GOLGA6L22: variants seen among roughly 807,000 people sequenced by gnomAD.
GOLGA6L22 encodes golgin subfamily A member 6-like protein 22.
Under a neutral mutation model 77.1 loss-of-function variants are expected in GOLGA6L22, and 28 were observed. That is an observed-to-expected ratio of 0.36 (90% confidence interval 0.27 to 0.50). GOLGA6L22 has a LOEUF of 0.50. GOLGA6L22 is among the 20% of genes least tolerant of loss of function. GOLGA6L22 has a pLI of 0.97. For missense variants in GOLGA6L22, 250 were observed against 620.4 expected (o/e 0.40, Z 6.34); for synonymous variants, 62 against 185.3 (o/e 0.33, Z 5.41).
chr15:22,465,780 G>A lies in GOLGA6L22; in HGVS notation c.1388G>A (p.Arg463Gln), dbSNP rs867342533. The stretch of plus-strand genomic sequence containing the variant: ...GTGTGGAGGCAGGAGGAGAAGATAC[G>A]GGAGCAGGAGAAGAAACGGGAGCAG... The change falls in exon 8 of 9, where the codon CGG becomes CAG. Residue 463 changes from arginine (R) to glutamine (Q), a missense_variant. By Grantham distance (43) the Arg-to-Gln change is conservative. Transcript: ENST00000622895. 405 of 1,381,796 alleles carry A rather than the reference G, an allele frequency of 2.9e-4. 58 individuals are homozygous for A. The highest frequency in any genetic ancestry group is 7.7e-5 in the Non-Finnish European group (81 of 1,047,170). 85.6% of individuals were successfully genotyped at this position (1,381,796 alleles called of 1,614,324 possible). A position where few individuals can be genotyped will look rare whatever the true frequency, so the allele number is the denominator to read the frequency against.
At chr15:22,463,581 G>A (rs1887589146) in intron 5 of GOLGA6L22, among the ~76,000 whole-genome samples, 2 of 130,570 alleles carry the variant, frequency 1.5e-5, no homozygotes, top group Non-Finnish European at 3.2e-5. Flanking sequence ...AACCCAGGAG[G>A]TGTAGGTTGT....
chr15:22,464,856 C>A, intron 7 of GOLGA6L22, among the ~76,000 whole-genome samples, 167 bp from the exon 8 acceptor site: 1 of 128,676 alleles, frequency 7.8e-6, no homozygotes. Context: ...ACTGTGTTAA[C>A]CAGGATGGTC....
At chr15:22,463,652 A>C (rs930393167) in intron 5 of GOLGA6L22, among the ~76,000 whole-genome samples, 189 bp from the exon 6 acceptor site, 2 of 133,936 alleles carry the variant, frequency 1.5e-5, no homozygotes, top group African/African-American at 5.9e-5. Flanking sequence ...ACTCTGCCAA[A>C]AAAAAAAAGA....
In GOLGA6L22 at chr15:22,463,333, C is replaced by T. The variant is rs1293809530; in HGVS notation, c.433-508C>T. On this transcript the variant is annotated intron_variant, in intron 5 of 8. Coordinates refer to ENST00000622895, the Ensembl canonical transcript of GOLGA6L22. ...CTAAATTCAATCTCTTTCCCTGTCC[C>T]TTCCACATCCACTGAGTTCTTTGAA... 5.4e-5 allele frequency among the ~76,000 whole-genome samples: 8 copies of T among 147,130 alleles called. 1 individual carries two copies. Among genetic ancestry groups the T allele is most frequent in the Non-Finnish European group, 9.0e-5 (6 of 66,816 alleles).
exon 8 of GOLGA6L22, chr15:22,466,605 G>T (rs753158603): frequency 3.1e-6 from 2 of 635,916 alleles, no homozygotes; most frequent in African/African-American, 5.2e-5. Flanking sequence ...GAGAAGATAA[G>T]GGAGCAGGAG....
At chr15:22,463,064 C>T (rs1208542040) in intron 5 of GOLGA6L22, among the ~76,000 whole-genome samples, 2 of 134,100 alleles carry the variant, frequency 1.5e-5, no homozygotes, top group African/African-American at 3.1e-5. Flanking sequence ...ATCAGATATA[C>T]CTGGGTGTTG....
exon 9 of GOLGA6L22, chr15:22,468,946 G>A (rs1398276441): frequency 2.4e-5 from 3 of 124,154 alleles, no homozygotes; most frequent in African/African-American, 1.1e-4. Flanking sequence ...CATTACTATG[G>A]AACCCACCTC....
rs758747920 is a variant in GOLGA6L22 at position 22,466,408 on chromosome 15, G to C, written c.2016G>C (p.Glu672Asp). The change falls in exon 8 of 9, where the codon GAG becomes GAC. Residue 672 changes from glutamate (E) to aspartate (D), a missense_variant. Transcript: ENST00000622895. ...AGGAGAAGATTTGGGAGCAGGAAGAGAAGATGCAAGAACAGGAGGAGAAGA... is the reference window on the plus strand; with the variant it reads ...AGGAGAAGATTTGGGAGCAGGAAGACAAGATGCAAGAACAGGAGGAGAAGA... The C allele has an allele frequency of 3.6e-6, 5 of 1,395,006 alleles. No homozygotes were observed. The African/African-American group carries it at 7.1e-5, about 20-fold the overall frequency. The allele number at this position is 1,395,006 out of a possible 1,614,324, so 86.4% of individuals were successfully genotyped here.
intron 2 of GOLGA6L22, 94 bp downstream of exon 2, chr15:22,461,042 CTA>C: frequency 1.1e-6 from 1 of 904,002 alleles, no homozygotes; most frequent in Non-Finnish European, 1.6e-6. Context: ...CAGGTACTGG[CTA>C]AGAATTCTGG....
At chr15:22,465,722 CAGG>C in exon 8 of GOLGA6L22, 1 of 1,183,518 alleles carries the variant, frequency 8.4e-7, no homozygotes, top group Non-Finnish European at 1.1e-6. Flanking sequence ...GATGCACGAC[CAGG>C]AGGAGAAGAT....
Position 22,465,819 on chromosome 15 carries a change from G to A in GOLGA6L22, c.1427G>A (p.Trp476Ter), listed in dbSNP as rs1566906108. ...AAACGGGAGCAGGAGGAGAAGATGTGGAGGCAGGAGGAGAAGATACGGGAG... is the reference window on the plus strand; with the variant it reads ...AAACGGGAGCAGGAGGAGAAGATGTAGAGGCAGGAGGAGAAGATACGGGAG... The change falls in exon 8 of 9, where the codon TGG becomes TAG. Residue 476 changes from tryptophan to a stop codon, truncating the protein, a stop_gained. Coordinates refer to ENST00000622895, the Ensembl canonical transcript of GOLGA6L22. LOFTEE classifies it high-confidence loss of function. The A allele has an allele frequency of 2.1e-6, 3 of 1,419,076 alleles. No homozygotes were observed. The highest frequency in any genetic ancestry group is 2.8e-6 in the Non-Finnish European group (3 of 1,072,000). 87.9% of individuals were successfully genotyped at this position (1,419,076 alleles called of 1,614,324 possible). A position where few individuals can be genotyped will look rare whatever the true frequency, so the allele number is the denominator to read the frequency against.
At chr15:22,464,622 A>G (rs1228881740) in intron 7 of GOLGA6L22, among the ~76,000 whole-genome samples, 4 of 118,464 alleles carry the variant, frequency 3.4e-5, no homozygotes, top group Non-Finnish European at 5.0e-5. Flanking sequence ...CCATTATTTT[A>G]TAGATTACAT....
In GOLGA6L22 at chr15:22,466,101, TA is replaced by T; in HGVS notation, c.1710del (p.Arg571GlyfsTer20). On this transcript the variant is annotated frameshift_variant, in exon 8 of 9. Coordinates refer to ENST00000622895, the Ensembl canonical transcript of GOLGA6L22. LOFTEE classifies it high-confidence loss of function. ...AAGATAAGGGAGCAGGAGGAGAAGA[TA>T]CGGGAGCAGGAGGAGAAGATACGGG... The T allele has an allele frequency of 9.9e-7, 1 of 1,005,364 alleles. No homozygotes were observed. Among genetic ancestry groups the T allele is most frequent in the South Asian group, 1.5e-5 (1 of 67,608 alleles). 62.3% of individuals were successfully genotyped at this position (1,005,364 alleles called of 1,614,324 possible).
chr15:22,459,036 C>G (rs2140793728), upstream of GOLGA6L22: 1 of 106,960 alleles, frequency 9.3e-6, no homozygotes. Flanking sequence ...CCATCCCCAC[C>G]TCCCTACCCA....
chr15:22,463,046 C>T (rs59324199), intron 5 of GOLGA6L22, among the ~76,000 whole-genome samples: 5,754 of 134,688 alleles, frequency 0.043, 688 homozygotes, highest in African/African-American at 0.17. Context: ...AAAGAATGGG[C>T]TTAGAGAATC....
At chr15:22,466,460 G>A in exon 8 of GOLGA6L22, 1 of 643,696 alleles carries the variant, frequency 1.6e-6, no homozygotes. Context: ...GAAGATAAGG[G>A]AGCAGGAGAA....
At chr15:22,466,591 G>C (rs1887732528) in exon 8 of GOLGA6L22, 1 of 1,013,674 alleles carries the variant, frequency 9.9e-7, no homozygotes, top group African/African-American at 2.0e-5. Flanking sequence ...TGCGGAGGCA[G>C]GAGGAGAAGA....
intron 5 of GOLGA6L22, among the ~76,000 whole-genome samples, chr15:22,463,235 C>T (rs1471195548): frequency 8.4e-4 from 125 of 148,692 alleles, no homozygotes; most frequent in Middle Eastern, 7.1e-3. Context: ...AAGAAAGGTT[C>T]GAACAGTGGT....
chr15:22,463,319 C>T (rs1408315815), intron 5 of GOLGA6L22, among the ~76,000 whole-genome samples: 1 of 148,428 alleles, frequency 6.7e-6, no homozygotes, highest in South Asian at 2.1e-4. Context: ...TAAATTCAAT[C>T]TCTTTCCCTG....
Sources: gnomAD v4.1 joint callset for allele counts (sites outside exome capture counted in the v4.1 genomes callset) on GRCh38, gnomAD v4.1.1 for gene constraint, MANE v1.5 for transcripts, NCBI Gene and HGNC (gene_info 2026-07-23, HGNC 2026-07-21) for gene names.